Variants in RGS9 observed in about 807,000 individuals in gnomAD.
The protein encoded by RGS9 is regulator of G protein signaling 9, also known as regulator of G-protein signalling 9.
RGS9 carries 78 observed loss-of-function variants against 102.0 expected under a neutral mutation model. That is an observed-to-expected ratio of 0.76 (90% CI 0.64 to 0.92). RGS9 has a LOEUF of 0.92. RGS9 is among the 40% of genes least tolerant of loss of function. The pLI is 0.00. For missense variants in RGS9, 833 were observed against 866.1 expected (o/e 0.96, Z 0.48); for synonymous variants, 353 against 318.6 (o/e 1.11, Z -1.15).
chr17:65,165,793 A>G (rs1372462421), intron 7 of RGS9, among the ~76,000 whole-genome samples: 2 of 152,126 alleles, frequency 1.3e-5, no homozygotes, highest in African/African-American at 4.8e-5. Context: ...TATCGGGGAG[A>G]ACATTCACTT....
Position 65,146,151 on chromosome 17 carries a change from T to C in RGS9, c.58-7271T>C, listed in dbSNP as rs138019228. ...CAGAGAAACTCGGGTTTCTAACTTT[T>C]AAAGTGGGATTATATGTCTTCTCCA... On this transcript the variant is annotated intron_variant, in intron 1 of 18. Transcript: ENST00000262406. Among the ~76,000 whole-genome samples the C allele has an allele frequency of 1.6e-3, 243 of 152,314 alleles. 1 individual carries two copies. Among genetic ancestry groups the C allele is most frequent in the African/African-American group, 5.3e-3 (220 of 41,574 alleles).
chr17:65,152,688 G>A (rs1049544119), intron 1 of RGS9, among the ~76,000 whole-genome samples: 5 of 151,988 alleles, frequency 3.3e-5, no homozygotes, highest in African/African-American at 7.3e-5. Flanking sequence ...GTACCACCAC[G>A]CCCAGATAAT....
intron 9 of RGS9, chr17:65,189,001 G>A: frequency 2.0e-6 from 1 of 504,732 alleles, no homozygotes; most frequent in South Asian, 2.1e-5. Context: ...ATGCTAAACT[G>A]ACACCAGTTT....
At chr17:65,141,095 G>T (rs1261886034) in intron 1 of RGS9, among the ~76,000 whole-genome samples, 1 of 152,218 alleles carries the variant, frequency 6.6e-6, no homozygotes, top group South Asian at 2.1e-4. Context: ...CTCCATCTCA[G>T]TCTCAATGCA....
At chr17:65,145,618 C>T (rs1910329796) in intron 1 of RGS9, among the ~76,000 whole-genome samples, 1 of 151,494 alleles carries the variant, frequency 6.6e-6, no homozygotes, top group Admixed American at 6.6e-5. Flanking sequence ...TGGTCTCGAA[C>T]TCCTGACCTT....
intron 2 of RGS9, among the ~76,000 whole-genome samples, chr17:65,155,030 A>G (rs1483506179): frequency 6.6e-6 from 1 of 152,158 alleles, no homozygotes; most frequent in Non-Finnish European, 1.5e-5. Flanking sequence ...CATGCAAGCA[A>G]CAGAAGACCC....
chr17:65,226,913 C>A (rs944702388), intron 18 of RGS9, among the ~76,000 whole-genome samples: 6 of 152,310 alleles, frequency 3.9e-5, no homozygotes, highest in African/African-American at 1.2e-4. Context: ...CAGTGCCCAG[C>A]ACCCATGAAG....
intron 9 of RGS9, among the ~76,000 whole-genome samples, chr17:65,182,879 A>G (rs1184135152): frequency 1.3e-5 from 2 of 152,210 alleles, no homozygotes; most frequent in East Asian, 3.8e-4. Flanking sequence ...CCATCTCAGA[A>G]TTCCTTACAC....
rs760791260 is a variant in RGS9 at position 65,163,018 on chromosome 17, T to C, written c.429T>C (p.Asn143=). The change falls in exon 7 of 19, where the codon AAT becomes AAC. Residue 143 remains asparagine, a synonymous_variant. Coordinates refer to ENST00000262406, the MANE Select transcript of RGS9 (RefSeq NM_003835.4). Reference sequence around the variant, plus strand: ...ATTTTGTTTTTCTTCTTTAGGAAAATTACAATTTCTTGAACCAAAAAATGA... The same window carrying C: ...ATTTTGTTTTTCTTCTTTAGGAAAACTACAATTTCTTGAACCAAAAAATGA... The part of the protein sequence containing the change: ...KGILEEYEKE[N]YNFLNQKMNY... 2 of 1,559,762 alleles carry C rather than the reference T, an allele frequency of 1.3e-6. No individual in the cohort carries two copies. The highest frequency in any genetic ancestry group is 2.7e-5 in the African/African-American group (2 of 73,674).
chr17:65,182,165 G>T (rs1911910315), intron 9 of RGS9, among the ~76,000 whole-genome samples: 1 of 152,200 alleles, frequency 6.6e-6, no homozygotes, highest in African/African-American at 2.4e-5. Context: ...TGGCCTCCCA[G>T]TATAAAATAC....
At chr17:65,160,711 G>A in intron 5 of RGS9, 124 bp downstream of exon 5, 1 of 1,386,060 alleles carries the variant, frequency 7.2e-7, no homozygotes, top group Non-Finnish European at 1.0e-6. Flanking sequence ...CATCTGTACT[G>A]GGCATGTCCC....
chr17:65,153,619 C>G, intron 2 of RGS9, 101 bp downstream of exon 2: 1 of 933,648 alleles, frequency 1.1e-6, no homozygotes, highest in Non-Finnish European at 1.8e-6. Flanking sequence ...TGGCCAGGTG[C>G]AGTGGCTCAC....
intron 13 of RGS9, among the ~76,000 whole-genome samples, chr17:65,197,881 C>T (rs539093758): frequency 2.6e-5 from 4 of 152,040 alleles, no homozygotes; most frequent in South Asian, 4.2e-4. Flanking sequence ...ATATTGGCCA[C>T]GCTGGTCTGA....
At chr17:65,143,042 C>T (rs1172342132) in intron 1 of RGS9, among the ~76,000 whole-genome samples, 1 of 152,096 alleles carries the variant, frequency 6.6e-6, no homozygotes, top group Non-Finnish European at 1.5e-5. Flanking sequence ...CAGGTGCCTG[C>T]CATCATGCCA....
intron 1 of RGS9, among the ~76,000 whole-genome samples, chr17:65,138,007 T>C (rs1909980159): frequency 6.6e-6 from 1 of 152,232 alleles, no homozygotes; most frequent in African/African-American, 2.4e-5. Context: ...ACATAGACCA[T>C]GAAAACGGGG....
intron 9 of RGS9, among the ~76,000 whole-genome samples, chr17:65,184,480 G>A (rs1912026196): frequency 6.6e-6 from 1 of 152,106 alleles, no homozygotes; most frequent in Admixed American, 6.5e-5. Context: ...TCTCTGCTAT[G>A]TGCCAGGGAC....
chr17:65,212,208 C>T (rs1913332292), intron 17 of RGS9, among the ~76,000 whole-genome samples: 1 of 152,210 alleles, frequency 6.6e-6, no homozygotes, highest in Non-Finnish European at 1.5e-5. Flanking sequence ...AGGAAATAGA[C>T]TCTACCTCTT....
chr17:65,175,050 A>G (rs910834184), intron 8 of RGS9, among the ~76,000 whole-genome samples: 20 of 151,868 alleles, frequency 1.3e-4, no homozygotes, highest in African/African-American at 4.6e-4. Context: ...TCAAGATGAT[A>G]TTTGGGTGGG....
intron 1 of RGS9, among the ~76,000 whole-genome samples, chr17:65,144,350 G>T (rs947559119): frequency 2.6e-5 from 4 of 152,146 alleles, no homozygotes; most frequent in African/African-American, 9.7e-5. Context: ...AGCAGCGTGG[G>T]CGTGGTGGGT....
Sources: allele counts gnomAD v4.1 joint callset (sites outside exome capture counted in the v4.1 genomes callset), GRCh38; gene constraint gnomAD v4.1.1; transcripts MANE v1.5; gene names NCBI Gene and HGNC (gene_info 2026-07-23, HGNC 2026-07-21).